DTX4: variants seen among roughly 807,000 people sequenced by gnomAD.
DTX4 encodes the protein deltex E3 ubiquitin ligase 4.
Under a neutral mutation model 57.6 loss-of-function variants are expected in DTX4, and 28 were observed. The observed-to-expected ratio is 0.49, with a 90% CI of 0.36 to 0.67. The LOEUF is 0.67. Ranked by LOEUF, DTX4 falls within the 30% of genes least tolerant of loss-of-function variation. The pLI, the probability that DTX4 is intolerant of heterozygous loss-of-function variation, is 0.00. For missense variants in DTX4, 715 were observed against 836.8 expected (o/e 0.85, Z 1.80); for synonymous variants, 316 against 331.0 (o/e 0.95, Z 0.49).
intron 2 of DTX4, among the ~76,000 whole-genome samples, chr11:59,185,014 CT>C (rs1862510776): frequency 6.6e-6 from 1 of 152,210 alleles, no homozygotes; most frequent in Non-Finnish European, 1.5e-5. Context: ...CTTCCAGCAA[CT>C]TTCCCACGGA....
At chr11:59,189,350 C>T (rs754051256) in intron 4 of DTX4, 27 bp downstream of exon 4, 41 of 1,505,308 alleles carry the variant, frequency 2.7e-5, no homozygotes, top group Non-Finnish European at 3.4e-5. Context: ...TCGTGGGGTA[C>T]TGAGAGTCAA....
rs1355876236 is a variant in DTX4 at position 59,207,765 on chromosome 11, T to C, written c.*2856T>C. On this transcript the variant is annotated 3_prime_UTR_variant, in exon 9 of 9. Transcript: ENST00000227451. ...GAGTCTCCAGGGATGACAAATTGGA[T>C]TGGAGACAAACCTCGTCAGATGCTC... The C allele has an allele frequency of 1.3e-5, 2 of 152,662 alleles. No homozygotes were observed. The highest frequency in any genetic ancestry group is 2.9e-5 in the Non-Finnish European group (2 of 68,052). 9.5% of individuals were successfully genotyped at this position (152,662 alleles called of 1,614,324 possible).
At chr11:59,195,022 C>G (rs1476832284) in intron 6 of DTX4, 186 bp from the exon 7 acceptor site, 1 of 646,510 alleles carries the variant, frequency 1.5e-6, no homozygotes. Context: ...AATTTACCTC[C>G]TATTACTTTG....
At chr11:59,195,997 A>G (rs560938457) in intron 7 of DTX4, among the ~76,000 whole-genome samples, 1 of 152,380 alleles carries the variant, frequency 6.6e-6, no homozygotes, top group South Asian at 2.1e-4. Context: ...GTCCTGAAGA[A>G]CAAATCTGAA....
chr11:59,173,693 A>G (rs571509123), intron 1 of DTX4, among the ~76,000 whole-genome samples: 1 of 151,952 alleles, frequency 6.6e-6, no homozygotes, highest in Non-Finnish European at 1.5e-5. Flanking sequence ...TCAAGTTGTC[A>G]CTGTAGCCAG....
intron 3 of DTX4, among the ~76,000 whole-genome samples, 180 bp from the exon 4 acceptor site, chr11:59,188,982 C>G (rs1301906835): frequency 6.6e-6 from 1 of 152,146 alleles, no homozygotes; most frequent in Non-Finnish European, 1.5e-5. Flanking sequence ...GGAAAGCATG[C>G]AATTGAAGAT....
intron 2 of DTX4, among the ~76,000 whole-genome samples, chr11:59,187,668 C>A (rs948409843): frequency 6.6e-6 from 1 of 152,210 alleles, no homozygotes; most frequent in African/African-American, 2.4e-5. Flanking sequence ...GTGACCGGGT[C>A]CATTAGCCTC....
intron 2 of DTX4, chr11:59,185,257 G>T (rs1445687235): frequency 6.6e-6 from 1 of 152,230 alleles, no homozygotes; most frequent in Non-Finnish European, 1.5e-5. Flanking sequence ...TCCTTGTCCT[G>T]CTGGAGGATT....
chr11:59,182,073 C>G lies in DTX4; in HGVS notation c.546C>G (p.Thr182=). The part of the protein sequence containing the change: ...QSWPVSPGPA[T]SPPMSPCSCP... The stretch of plus-strand genomic sequence containing the variant: ...GGCCAGTCAGCCCTGGGCCAGCCAC[C>G]TCGCCCCCCATGTCCCCCTGCTCCT... The change falls in exon 2 of 9, where the codon ACC becomes ACG. Residue 182 remains threonine, a synonymous_variant. Transcript: ENST00000227451. The G allele has an allele frequency of 6.2e-7, 1 of 1,612,436 alleles. No homozygotes were observed. Among genetic ancestry groups the G allele is most frequent in the Middle Eastern group, 1.7e-4 (1 of 6,058 alleles).
At chr11:59,175,829 G>A (rs1343931435) in intron 1 of DTX4, among the ~76,000 whole-genome samples, 1 of 152,008 alleles carries the variant, frequency 6.6e-6, no homozygotes, top group Admixed American at 6.5e-5. Context: ...AAACAACTGT[G>A]GCTCTCATTC....
rs796178364 is a variant in DTX4 at position 59,196,672 on chromosome 11, CTT to C, written c.1536+1304_1536+1305del. ...TGCCTCCTGCCAGATAAGTGGCAGC[CTT>C]AGATTCTCATAGGAACACAAACTCT... On this transcript the variant is annotated intron_variant, in intron 7 of 8. Coordinates refer to ENST00000227451, the MANE Select transcript of DTX4 (RefSeq NM_015177.2). 1.2e-4 allele frequency among the ~76,000 whole-genome samples: 19 copies of C among 152,282 alleles called. 1 individual carries two copies. The highest frequency in any genetic ancestry group is 4.6e-4 in the African/African-American group (19 of 41,560).
chr11:59,200,055 GA>G (rs1239293520), intron 8 of DTX4, among the ~76,000 whole-genome samples: 7 of 152,194 alleles, frequency 4.6e-5, no homozygotes, highest in African/African-American at 1.4e-4. Context: ...ATTTATGAAG[GA>G]AAGAGGTTTA....
intron 1 of DTX4, among the ~76,000 whole-genome samples, chr11:59,181,104 C>T (rs903999335): frequency 2.6e-5 from 4 of 152,056 alleles, no homozygotes; most frequent in South Asian, 2.1e-4. Flanking sequence ...GCAGCCTTCC[C>T]GCATGCAGGC....
chr11:59,203,489 A>C (rs1487795450), intron 8 of DTX4, among the ~76,000 whole-genome samples: 1 of 152,138 alleles, frequency 6.6e-6, no homozygotes, highest in East Asian at 1.9e-4. Flanking sequence ...ACTGTCTTCC[A>C]CATCCATATC....
chr11:59,172,003 G>A (rs907839240), upstream of DTX4, among the ~76,000 whole-genome samples: 3 of 151,942 alleles, frequency 2.0e-5, no homozygotes, highest in African/African-American at 7.3e-5. Flanking sequence ...TGCTTGGGAG[G>A]GGTGGTTCAT....
chr11:59,195,379 T>C lies in DTX4; in HGVS notation c.1536+10T>C. ...CCCCCCCGGCATTCAGGTGAGCCTT[T>C]CTCTCAGGTGAGCCTTTCTGTCACC... On this transcript the variant is annotated intron_variant, in intron 7 of 8. Coordinates refer to ENST00000227451, the MANE Select transcript of DTX4 (RefSeq NM_015177.2). The C allele has an allele frequency of 6.3e-7, 1 of 1,595,712 alleles. No homozygotes were observed. The highest frequency in any genetic ancestry group is 8.6e-7 in the Non-Finnish European group (1 of 1,167,998).
chr11:59,187,404 T>C (rs1440332150), intron 2 of DTX4, among the ~76,000 whole-genome samples: 2 of 152,166 alleles, frequency 1.3e-5, no homozygotes, highest in Admixed American at 6.5e-5. Flanking sequence ...GGAGCCACTG[T>C]TGGGGGGAGG....
intron 6 of DTX4, among the ~76,000 whole-genome samples, chr11:59,194,208 T>G (rs755476421): frequency 1.3e-5 from 2 of 152,120 alleles, no homozygotes; most frequent in Non-Finnish European, 2.9e-5. Flanking sequence ...GCCTCGATTT[T>G]CCTCTCTACA....
At chr11:59,191,466 A>G (rs941566437) in intron 5 of DTX4, among the ~76,000 whole-genome samples, 1 of 152,242 alleles carries the variant, frequency 6.6e-6, no homozygotes, top group African/African-American at 2.4e-5. Context: ...ACTCACCTTA[A>G]AATGGGTTTG....
Sources: allele counts gnomAD v4.1 joint callset (sites outside exome capture counted in the v4.1 genomes callset), GRCh38; gene constraint gnomAD v4.1.1; transcripts MANE v1.5; gene names NCBI Gene and HGNC (gene_info 2026-07-23, HGNC 2026-07-21).